ARHGAP42: variants seen among roughly 807,000 people sequenced by gnomAD.
ARHGAP42 encodes the protein Rho GTPase activating protein 42.
In ARHGAP42, 63 loss-of-function variants were observed where a neutral mutation model predicts 125.0. The ratio of observed to expected loss-of-function variants is 0.50; its 90% confidence interval spans 0.41 to 0.62. The LOEUF (loss-of-function observed/expected upper bound fraction) is 0.62, where lower values mean the gene tolerates loss of function less well. ARHGAP42 is among the 20% of genes least tolerant of loss of function. The pLI, the probability that ARHGAP42 is intolerant of heterozygous loss-of-function variation, is 0.00. For synonymous variants in ARHGAP42, 339 were observed against 351.0 expected (o/e 0.97, Z 0.38); for missense variants, 766 against 1,024.2 (o/e 0.75, Z 3.44).
chr11:100,975,361 A>T (rs1002049474), intron 19 of ARHGAP42, among the ~76,000 whole-genome samples: 1 of 152,190 alleles, frequency 6.6e-6, no homozygotes, highest in African/African-American at 2.4e-5. Context: ...ACCCAGAAAA[A>T]TTTAAAAAAA....
In ARHGAP42 at chr11:100,921,489, T is replaced by C; in HGVS notation, c.487-5T>C. 1 of 1,537,090 alleles carries C rather than the reference T, an allele frequency of 6.5e-7. No homozygotes were observed. Among genetic ancestry groups the C allele is most frequent in the Non-Finnish European group, 8.8e-7 (1 of 1,137,828 alleles). On this transcript the variant is annotated splice_region_variant and splice_polypyrimidine_tract_variant and intron_variant, in intron 5 of 23. Coordinates refer to ENST00000298815, the MANE Select transcript of ARHGAP42 (RefSeq NM_152432.4). ...CAGTAATCACCCTCTGGTTTTTCTC[T>C]TTAGGCAGATACACAAATTGACCGA...
intron 3 of ARHGAP42, among the ~76,000 whole-genome samples, chr11:100,845,168 C>T (rs918945409): frequency 1.3e-5 from 2 of 149,390 alleles, no homozygotes; most frequent in African/African-American, 5.1e-5. Flanking sequence ...GAATACTACT[C>T]AGCCATAAAA....
intron 6 of ARHGAP42, among the ~76,000 whole-genome samples, chr11:100,926,470 T>TA: frequency 6.6e-6 from 1 of 152,318 alleles, no homozygotes; most frequent in East Asian, 1.9e-4. Flanking sequence ...TAGAAAATTA[T>TA]ATAGTGTAGT....
At chr11:100,693,927 CTTTCT>C (rs1387644140) in intron 1 of ARHGAP42, among the ~76,000 whole-genome samples, 20 of 150,930 alleles carry the variant, frequency 1.3e-4, no homozygotes, top group African/African-American at 4.9e-4. Context: ...ATTAGGATTG[CTTTCT>C]TTTCTTTCTT....
chr11:100,875,073 GTCTCTC>G (rs143461552), intron 4 of ARHGAP42, among the ~76,000 whole-genome samples: 2,887 of 110,114 alleles, frequency 0.026, 43 homozygotes, highest in Non-Finnish European at 0.039. Context: ...CTAATCCACT[GTCTCTC>G]TCTCTCTCTC....
rs1858660734 is a variant in ARHGAP42 at position 100,985,709 on chromosome 11, G to C, written c.2457-1804G>C. The stretch of plus-strand genomic sequence containing the variant: ...GGTCATTCCCAAATCTGCCCCGCTA[G>C]CAAGCTTTCTGAAAGTACAGCCTGA... On this transcript the variant is annotated intron_variant, in intron 22 of 23. Transcript: ENST00000298815. Among the ~76,000 whole-genome samples the C allele has an allele frequency of 2.6e-5, 4 of 152,206 alleles. No individual in the cohort carries two copies. In the South Asian group the frequency reaches 8.3e-4, roughly 32 times the overall value.
At chr11:100,988,618 G>A in intron 23 of ARHGAP42, 95 bp from the exon 24 acceptor site, 1 of 980,912 alleles carries the variant, frequency 1.0e-6, no homozygotes, top group South Asian at 1.6e-5. Context: ...AGATACTGAG[G>A]ACTGACAATC....
intron 23 of ARHGAP42, among the ~76,000 whole-genome samples, chr11:100,988,012 TAG>T (rs1181067961): frequency 6.6e-6 from 1 of 151,914 alleles, no homozygotes; most frequent in Admixed American, 6.6e-5. Context: ...CCTGTAGTCC[TAG>T]CTACTCTGGA....
chr11:100,711,115 G>C (rs1861559174), intron 1 of ARHGAP42, among the ~76,000 whole-genome samples: 1 of 152,190 alleles, frequency 6.6e-6, no homozygotes, highest in African/African-American at 2.4e-5. Flanking sequence ...CAGAGCTTAG[G>C]ACTGGTGATC....
chr11:100,840,287 T>C (rs1269541445), intron 3 of ARHGAP42, among the ~76,000 whole-genome samples: 1 of 152,130 alleles, frequency 6.6e-6, no homozygotes, highest in Non-Finnish European at 1.5e-5. Flanking sequence ...GCGACACTTT[T>C]GTCAGTAATG....
At chr11:100,696,706 C>T (rs1317411438) in intron 1 of ARHGAP42, among the ~76,000 whole-genome samples, 1 of 152,006 alleles carries the variant, frequency 6.6e-6, no homozygotes, top group Non-Finnish European at 1.5e-5. Context: ...TGCTCTGTTT[C>T]CCAGGCTGGA....
chr11:100,933,038 C>T lies in ARHGAP42; in HGVS notation c.598-118C>T, dbSNP rs865819269. On this transcript the variant is annotated intron_variant, in intron 6 of 23. Transcript: ENST00000298815. ...AATCTATTGCCTGCCTTGCCAAAGC[C>T]ATTGAAAATGTATTAGTTTGAGGAA... 29 of 646,434 alleles carry T rather than the reference C, an allele frequency of 4.5e-5. No individual in the cohort carries two copies. In the Middle Eastern group the frequency reaches 1.7e-3, roughly 39 times the overall value. The allele number at this position is 646,434 out of a possible 1,614,324, so 40.0% of individuals were successfully genotyped here.
chr11:100,904,247 C>CTCTT (rs529186661), intron 4 of ARHGAP42, among the ~76,000 whole-genome samples: 22 of 143,822 alleles, frequency 1.5e-4, no homozygotes, highest in East Asian at 6.1e-4. Context: ...TTTCCTCTCT[C>CTCTT]TTTTTTTTTT....
At position 100,960,948 on chromosome 11, in the gene ARHGAP42, G is replaced by A; in HGVS notation, c.1259G>A (p.Gly420Glu). The change falls in exon 14 of 24, where the codon GGA becomes GAA. Residue 420 changes from glycine (G) to glutamate (E), a missense_variant. Coordinates refer to ENST00000298815, the MANE Select transcript of ARHGAP42 (RefSeq NM_152432.4). ...ATTTTAGGACTCTACCGAATAGGAGGAGTGAACTCCAAAGTTCAAAAACTC... is the reference window on the plus strand; with the variant it reads ...ATTTTAGGACTCTACCGAATAGGAGAAGTGAACTCCAAAGTTCAAAAACTC... ...ITILGLYRIG[G>E]VNSKVQKLMN... is the part of the protein sequence containing the mutation. The A allele has an allele frequency of 6.5e-7, 1 of 1,538,002 alleles. No individual in the cohort carries two copies. Among genetic ancestry groups the A allele is most frequent in the Non-Finnish European group, 8.8e-7 (1 of 1,140,576 alleles).
At chr11:100,724,222 A>C (rs569128516) in intron 1 of ARHGAP42, among the ~76,000 whole-genome samples, 1 of 152,158 alleles carries the variant, frequency 6.6e-6, no homozygotes, top group South Asian at 2.1e-4. Flanking sequence ...TCGATTTGCT[A>C]GTATTTTGTT....
intron 23 of ARHGAP42, 94 bp from the exon 24 acceptor site, chr11:100,988,619 A>G (rs1277148843): frequency 4.0e-6 from 4 of 990,378 alleles, no homozygotes; most frequent in Admixed American, 2.1e-5. Flanking sequence ...GATACTGAGG[A>G]CTGACAATCC....
At chr11:100,785,053 G>T (rs1450931808) in intron 2 of ARHGAP42, among the ~76,000 whole-genome samples, 1 of 152,092 alleles carries the variant, frequency 6.6e-6, no homozygotes, top group Non-Finnish European at 1.5e-5. Flanking sequence ...TAGGGCCCTT[G>T]CTTGGAGCTA....
intron 3 of ARHGAP42, among the ~76,000 whole-genome samples, chr11:100,812,387 C>T (rs926187305): frequency 1.3e-5 from 2 of 152,132 alleles, no homozygotes; most frequent in East Asian, 1.9e-4. Flanking sequence ...GGATATTGCT[C>T]CAGAGCTGAG....
At chr11:100,795,820 G>T (rs913145423) in intron 3 of ARHGAP42, among the ~76,000 whole-genome samples, 3 of 152,174 alleles carry the variant, frequency 2.0e-5, no homozygotes, top group Non-Finnish European at 2.9e-5. Context: ...CCACAGGATT[G>T]TTGGAAAGCA....
Sources: gnomAD v4.1 joint callset for allele counts (sites outside exome capture counted in the v4.1 genomes callset) on GRCh38, gnomAD v4.1.1 for gene constraint, MANE v1.5 for transcripts, NCBI Gene and HGNC (gene_info 2026-07-23, HGNC 2026-07-21) for gene names.